The following DAB1 variants were observed in gnomAD, a reference collection of about 807,000 sequenced individuals.
DAB1 encodes disabled homolog 1.
In DAB1, 15 loss-of-function variants were observed where a neutral mutation model predicts 64.6. The ratio of observed to expected loss-of-function variants is 0.23; its 90% CI spans 0.16 to 0.36. The LOEUF (loss-of-function observed/expected upper bound fraction) is 0.36, where lower values mean the gene tolerates loss of function less well. Among genes scored for constraint, DAB1 ranks in the 10% least tolerant of loss-of-function variants. The pLI is 1.00. For synonymous variants in DAB1, 235 were observed against 251.9 expected, an observed-to-expected ratio of 0.93 and a Z score of 0.64; for missense variants, 596 against 706.7, an observed-to-expected ratio of 0.84 and a Z score of 1.78.
chr1:57,072,263 TC>T lies in DAB1; in HGVS notation c.438+19del. 6 of 1,612,272 alleles carry T rather than the reference TC, an allele frequency of 3.7e-6. No homozygotes were observed. The highest frequency in any genetic ancestry group is 4.2e-6 in the Non-Finnish European group (5 of 1,178,850). On this transcript the variant is annotated intron_variant, in intron 5 of 14. Transcript: ENST00000371236. ...CCAGAGTTCCAAGGAAAGACTCCCT[TC>T]TTGGATAGGGATACTCACCGCCTGG...
At chr1:57,004,783 G>C (rs558956824) in intron 14 of DAB1, among the ~76,000 whole-genome samples, 5 of 152,210 alleles carry the variant, frequency 3.3e-5, no homozygotes, top group Admixed American at 3.3e-4. Flanking sequence ...AAAATGCATG[G>C]GTTTGGGGAG....
At chr1:57,429,965 T>G (rs1685437310) in intron 7 of DAB1, among the ~76,000 whole-genome samples, 1 of 152,210 alleles carries the variant, frequency 6.6e-6, no homozygotes, top group Non-Finnish European at 1.5e-5. Context: ...GCTTTATATA[T>G]TCAAAGTCTT....
intron 4 of DAB1, among the ~76,000 whole-genome samples, chr1:58,240,325 G>A (rs1330389838): frequency 6.6e-6 from 1 of 152,194 alleles, no homozygotes; most frequent in African/African-American, 2.4e-5. Flanking sequence ...AAATGGGCAG[G>A]CCTTCTCCTG....
intron 4 of DAB1, among the ~76,000 whole-genome samples, chr1:58,161,868 G>A (rs1655555519): frequency 6.6e-6 from 1 of 152,074 alleles, no homozygotes; most frequent in African/African-American, 2.4e-5. Flanking sequence ...ACCCATTTAA[G>A]GCTTTTAAGC....
intron 6 of DAB1, among the ~76,000 whole-genome samples, chr1:57,666,108 T>A (rs1646444720): frequency 6.6e-6 from 1 of 152,074 alleles, no homozygotes; most frequent in African/African-American, 2.4e-5. Flanking sequence ...AACAAAGCAA[T>A]AGAAGTTAGA....
intron 1 of DAB1, among the ~76,000 whole-genome samples, chr1:57,375,685 G>A (rs1431145288): frequency 2.0e-5 from 3 of 152,082 alleles, no homozygotes; most frequent in Non-Finnish European, 2.9e-5. Context: ...CCTAGGTAAC[G>A]CTGACTGCCA....
intron 4 of DAB1, among the ~76,000 whole-genome samples, chr1:58,154,576 T>C (rs74075933): frequency 0.19 from 28,488 of 152,040 alleles, 2,847 homozygotes; most frequent in East Asian, 0.37. Flanking sequence ...GATATATATA[T>C]ACAGGGCTCT....
intron 1 of DAB1, among the ~76,000 whole-genome samples, chr1:58,536,227 G>A (rs1324082906): frequency 6.6e-6 from 1 of 152,050 alleles, no homozygotes; most frequent in Non-Finnish European, 1.5e-5. Context: ...GCCTGATCCA[G>A]TCACCCTGCC....
At chr1:57,107,479 G>A (rs1347856690) in intron 4 of DAB1, among the ~76,000 whole-genome samples, 1 of 151,394 alleles carries the variant, frequency 6.6e-6, no homozygotes, top group Non-Finnish European at 1.5e-5. Context: ...GGGGAACATA[G>A]AGAACCAGCA....
chr1:58,045,630 TC>T (rs1282278401), intron 5 of DAB1, among the ~76,000 whole-genome samples: 1 of 151,920 alleles, frequency 6.6e-6, no homozygotes, highest in African/African-American at 2.4e-5. Flanking sequence ...ATATTTTTTT[TC>T]CAGGGAAGCT....
intron 6 of DAB1, among the ~76,000 whole-genome samples, chr1:57,725,450 C>T (rs552695899): frequency 6.6e-6 from 1 of 152,098 alleles, no homozygotes; most frequent in African/African-American, 2.4e-5. Flanking sequence ...CCTGCCTTCC[C>T]CTGACCTTCC....
intron 1 of DAB1, among the ~76,000 whole-genome samples, chr1:57,419,492 TTA>T (rs1491244193): frequency 7.4e-6 from 1 of 134,346 alleles, no homozygotes; most frequent in Non-Finnish European, 1.6e-5. Flanking sequence ...ATATTTCCAA[TTA>T]AAAAAAAAAA....
intron 7 of DAB1, among the ~76,000 whole-genome samples, chr1:57,504,012 G>A (rs1644317657): frequency 6.6e-6 from 1 of 152,156 alleles, no homozygotes; most frequent in South Asian, 2.1e-4. Context: ...AGTGCATATA[G>A]TACCTTTATG....
intron 2 of DAB1, among the ~76,000 whole-genome samples, chr1:57,281,074 T>C (rs1009390456): frequency 6.6e-6 from 1 of 152,202 alleles, no homozygotes; most frequent in African/African-American, 2.4e-5. Context: ...GTAAGTTCAT[T>C]CATTTACTCC....
chr1:58,438,914 G>C (rs1473080644), intron 3 of DAB1, among the ~76,000 whole-genome samples: 1 of 152,100 alleles, frequency 6.6e-6, no homozygotes, highest in Non-Finnish European at 1.5e-5. Context: ...CCATGGCTTC[G>C]AGTCCAGTTT....
chr1:57,563,689 T>C (rs1233174461), intron 7 of DAB1, among the ~76,000 whole-genome samples: 1 of 152,044 alleles, frequency 6.6e-6, no homozygotes, highest in Admixed American at 6.5e-5. Flanking sequence ...GCCTCCCTCA[T>C]TGCTAGCACA....
At chr1:58,463,615 A>G (rs576526445) in intron 3 of DAB1, among the ~76,000 whole-genome samples, 4 of 152,328 alleles carry the variant, frequency 2.6e-5, no homozygotes, top group African/African-American at 9.6e-5. Flanking sequence ...CATGCTTGAG[A>G]GTCTGTGTGT....
At chr1:58,344,215 C>T (rs1643969706) in intron 3 of DAB1, among the ~76,000 whole-genome samples, 1 of 152,006 alleles carries the variant, frequency 6.6e-6, no homozygotes, top group African/African-American at 2.4e-5. Context: ...GAGGATTGCA[C>T]TAATTAATGT....
chr1:57,017,013 G>T (rs1234292412), intron 11 of DAB1, among the ~76,000 whole-genome samples: 1 of 152,156 alleles, frequency 6.6e-6, no homozygotes. Context: ...CAAAGCCAGG[G>T]TTCCTTCCTT....
Sources: allele counts gnomAD v4.1 joint callset (sites outside exome capture counted in the v4.1 genomes callset), GRCh38; gene constraint gnomAD v4.1.1; transcripts MANE v1.5; gene names NCBI Gene and HGNC (gene_info 2026-07-23, HGNC 2026-07-21).